NRG3: variants seen among roughly 807,000 people sequenced by gnomAD.
NRG3 encodes the protein pro-neuregulin-3, membrane-bound isoform.
NRG3 carries 31 observed loss-of-function variants against 66.9 expected under a neutral mutation model. That is an observed-to-expected ratio of 0.46 (90% CI 0.35 to 0.63). The LOEUF is 0.63. NRG3 is among the 20% of genes least tolerant of loss of function. The pLI is 0.00. For synonymous variants in NRG3, 393 were observed against 359.4 expected, an observed-to-expected ratio of 1.09 and a Z score of -1.06; for missense variants, 910 against 878.9, an observed-to-expected ratio of 1.04 and a Z score of -0.45.
At chr10:82,233,091 G>C (rs1010921701) in intron 1 of NRG3, among the ~76,000 whole-genome samples, 1 of 152,150 alleles carries the variant, frequency 6.6e-6, no homozygotes, top group African/African-American at 2.4e-5. Flanking sequence ...GCGGCTGTTC[G>C]CAGTGGCTCA....
At chr10:82,315,992 A>G (rs1334162369) in intron 1 of NRG3, among the ~76,000 whole-genome samples, 1 of 152,062 alleles carries the variant, frequency 6.6e-6, no homozygotes, top group East Asian at 1.9e-4. Context: ...AATAGGAAGG[A>G]TGAGGGAGAT....
At chr10:82,866,629 G>A (rs1564582498) in intron 4 of NRG3, among the ~76,000 whole-genome samples, 1 of 152,168 alleles carries the variant, frequency 6.6e-6, no homozygotes. Flanking sequence ...GATTTAGGAT[G>A]TTATTCAAAT....
chr10:82,392,002 A>C (rs1017422739), intron 2 of NRG3, among the ~76,000 whole-genome samples: 1 of 148,522 alleles, frequency 6.7e-6, no homozygotes, highest in Non-Finnish European at 1.5e-5. Context: ...GCAAAAAAAA[A>C]AAAAAAAACA....
chr10:82,898,877 AT>A (rs1260485318), intron 4 of NRG3, among the ~76,000 whole-genome samples: 1 of 151,300 alleles, frequency 6.6e-6, no homozygotes, highest in African/African-American at 2.4e-5. Flanking sequence ...ACCCCGGCTA[AT>A]TTTTTTGTAT....
chr10:81,989,724 G>A (rs936909571), intron 1 of NRG3, among the ~76,000 whole-genome samples: 2 of 152,124 alleles, frequency 1.3e-5, no homozygotes, highest in Non-Finnish European at 2.9e-5. Context: ...AGCATCAGTC[G>A]TGTCAATACT....
chr10:82,462,132 A>AAAATAAAT (rs578150018), intron 2 of NRG3, among the ~76,000 whole-genome samples: 12 of 152,030 alleles, frequency 7.9e-5, no homozygotes, highest in Non-Finnish European at 1.5e-4. Context: ...ACTCCATCTC[A>AAAATAAAT]AAATAAATAA....
At chr10:82,495,181 C>T (rs914490826) in intron 2 of NRG3, among the ~76,000 whole-genome samples, 11 of 151,978 alleles carry the variant, frequency 7.2e-5, no homozygotes, top group African/African-American at 1.9e-4. Flanking sequence ...GTGATCTGCC[C>T]GTCTCGGCCT....
At chr10:82,028,609 C>A (rs995322257) in intron 1 of NRG3, among the ~76,000 whole-genome samples, 2 of 152,054 alleles carry the variant, frequency 1.3e-5, no homozygotes, top group Non-Finnish European at 1.5e-5. Context: ...TCTGACCTGG[C>A]AGTTCCACAG....
chr10:82,971,400 G>T (rs1177892884), intron 6 of NRG3, among the ~76,000 whole-genome samples: 4 of 150,222 alleles, frequency 2.7e-5, no homozygotes, highest in Admixed American at 2.0e-4. Context: ...CAATGTTAAT[G>T]GTTTATAATT....
At chr10:81,903,283 C>T (rs906646195) in intron 1 of NRG3, among the ~76,000 whole-genome samples, 1 of 152,036 alleles carries the variant, frequency 6.6e-6, no homozygotes, top group Admixed American at 6.6e-5. Context: ...GGGTACACAG[C>T]ATGTAATTGT....
intron 2 of NRG3, among the ~76,000 whole-genome samples, chr10:82,585,902 T>C (rs2133259131): frequency 6.6e-6 from 1 of 152,306 alleles, no homozygotes; most frequent in African/African-American, 2.4e-5. Context: ...AACACAATAA[T>C]GTGTTCAAAC....
intron 1 of NRG3, among the ~76,000 whole-genome samples, chr10:82,154,665 G>C (rs1413949593): frequency 1.3e-5 from 2 of 151,624 alleles, no homozygotes; most frequent in Non-Finnish European, 2.9e-5. Context: ...GGGTAGTTTG[G>C]ACATGTAAAT....
At chr10:82,983,956 C>T (rs767437689) in intron 8 of NRG3, among the ~76,000 whole-genome samples, 4 of 152,166 alleles carry the variant, frequency 2.6e-5, no homozygotes, top group Non-Finnish European at 5.9e-5. Flanking sequence ...CATGTCCTTA[C>T]AATAAAGATT....
intron 1 of NRG3, among the ~76,000 whole-genome samples, chr10:82,042,272 A>G (rs940079045): frequency 8.5e-5 from 13 of 152,066 alleles, no homozygotes; most frequent in African/African-American, 2.9e-4. Flanking sequence ...TTTATTTCCA[A>G]TGGCGATGGC....
chr10:82,443,160 G>A (rs1407277013), intron 2 of NRG3, among the ~76,000 whole-genome samples: 1 of 152,022 alleles, frequency 6.6e-6, no homozygotes, highest in Non-Finnish European at 1.5e-5. Context: ...GGGAGAGGGA[G>A]AGAAAAAAGC....
chr10:82,367,843 A>G (rs1216186105), intron 2 of NRG3, among the ~76,000 whole-genome samples: 3 of 152,052 alleles, frequency 2.0e-5, no homozygotes, highest in Non-Finnish European at 4.4e-5. Flanking sequence ...AAAATACAAA[A>G]TATTAGCCAG....
At chr10:82,974,399 C>A (rs1416186308) in intron 7 of NRG3, among the ~76,000 whole-genome samples, 1 of 152,150 alleles carries the variant, frequency 6.6e-6, no homozygotes, top group Non-Finnish European at 1.5e-5. Context: ...CAGTTTCTTG[C>A]AAGCTTCCCA....
chr10:81,976,840 G>C (rs898729145), intron 1 of NRG3, among the ~76,000 whole-genome samples: 9 of 152,080 alleles, frequency 5.9e-5, no homozygotes, highest in Non-Finnish European at 1.3e-4. Context: ...ATGCCTGTTT[G>C]TTTTTAATGA....
chr10:82,975,448 C>G (rs138945528), intron 7 of NRG3, among the ~76,000 whole-genome samples: 2 of 152,164 alleles, frequency 1.3e-5, no homozygotes, highest in Admixed American at 6.5e-5. Flanking sequence ...TATGCTCCCT[C>G]CTAAACTTGG....
Sources: gnomAD v4.1 joint callset for allele counts (sites outside exome capture counted in the v4.1 genomes callset) on GRCh38, gnomAD v4.1.1 for gene constraint, MANE v1.5 for transcripts, NCBI Gene and HGNC (gene_info 2026-07-23, HGNC 2026-07-21) for gene names.